The following BNC2 variants were observed in gnomAD, a reference collection of about 807,000 sequenced individuals.
BNC2 encodes the protein zinc finger protein basonuclin-2.
A neutral mutation model predicts 76.3 loss-of-function variants in BNC2; 20 were observed. The ratio of observed to expected loss-of-function variants is 0.26; its 90% CI spans 0.18 to 0.38. The LOEUF (loss-of-function observed/expected upper bound fraction) is 0.38. Ranked by LOEUF, BNC2 falls within the 10% of genes least tolerant of loss-of-function variation. The pLI, the probability that BNC2 is intolerant of heterozygous loss-of-function variation, is 1.00. For missense variants in BNC2, 1,382 were observed against 1,399.8 expected, an observed-to-expected ratio of 0.99 and a Z score of 0.20; for synonymous variants, 582 against 514.8, an observed-to-expected ratio of 1.13 and a Z score of -1.77.
intron 5 of BNC2, among the ~76,000 whole-genome samples, chr9:16,479,928 A>G (rs766468284): frequency 1.3e-5 from 2 of 152,198 alleles, no homozygotes; most frequent in Non-Finnish European, 2.9e-5. Flanking sequence ...AATCTTTAAA[A>G]TTATTTGCAA....
At chr9:16,475,046 C>A (rs1475489774) in intron 5 of BNC2, among the ~76,000 whole-genome samples, 2 of 152,294 alleles carry the variant, frequency 1.3e-5, no homozygotes, top group East Asian at 1.9e-4. Context: ...AAGGCTTTTC[C>A]ACACTCTAGG....
chr9:16,615,752 A>G (rs189823008), intron 3 of BNC2, among the ~76,000 whole-genome samples: 22 of 152,328 alleles, frequency 1.4e-4, no homozygotes, highest in African/African-American at 5.3e-4. Context: ...GTCTTTTGTT[A>G]CAGAGTTAGC....
At chr9:16,759,705 A>T (rs1204424947) in intron 1 of BNC2, among the ~76,000 whole-genome samples, 1 of 147,850 alleles carries the variant, frequency 6.8e-6, no homozygotes, top group Non-Finnish European at 1.5e-5. Flanking sequence ...AGAATACCTC[A>T]ATTTTTGGAG....
At chr9:16,654,840 G>C (rs1015844777) in intron 3 of BNC2, among the ~76,000 whole-genome samples, 1 of 152,062 alleles carries the variant, frequency 6.6e-6, no homozygotes, top group African/African-American at 2.4e-5. Context: ...AGTCACATCA[G>C]ACACCTCTTA....
At chr9:16,641,777 T>C (rs1821498480) in intron 3 of BNC2, among the ~76,000 whole-genome samples, 1 of 152,202 alleles carries the variant, frequency 6.6e-6, no homozygotes, top group Non-Finnish European at 1.5e-5. Flanking sequence ...GTTAAATATG[T>C]ATCAAATATG....
At chr9:16,692,063 G>T (rs1823189687) in intron 3 of BNC2, among the ~76,000 whole-genome samples, 1 of 152,008 alleles carries the variant, frequency 6.6e-6, no homozygotes, top group Non-Finnish European at 1.5e-5. Flanking sequence ...TGCCCACCTT[G>T]GCCTCCCAAA....
At chr9:16,810,231 G>C (rs1818011942) in intron 1 of BNC2, among the ~76,000 whole-genome samples, 1 of 152,168 alleles carries the variant, frequency 6.6e-6, no homozygotes, top group Non-Finnish European at 1.5e-5. Context: ...CAATCCATAG[G>C]ACAGGCTTAG....
chr9:16,755,219 G>C (rs1220738245), intron 1 of BNC2, among the ~76,000 whole-genome samples: 4 of 152,158 alleles, frequency 2.6e-5, no homozygotes, highest in African/African-American at 9.7e-5. Flanking sequence ...AGCATGAGAA[G>C]ACACATGGCC....
chr9:16,480,626 C>G (rs574462059), intron 5 of BNC2, among the ~76,000 whole-genome samples: 3 of 152,198 alleles, frequency 2.0e-5, no homozygotes, highest in Non-Finnish European at 4.4e-5. Flanking sequence ...CCTGCTGGAC[C>G]GGGCAATGAG....
intron 3 of BNC2, among the ~76,000 whole-genome samples, chr9:16,643,785 T>C (rs1821553304): frequency 6.6e-6 from 1 of 152,174 alleles, no homozygotes; most frequent in South Asian, 2.1e-4. Flanking sequence ...CATGGCTCTT[T>C]TTCTGCCCCA....
In BNC2 at chr9:16,411,803, T is replaced by C. The variant is rs1288161564; in HGVS notation, c.*7186A>G. On this transcript the variant is annotated 3_prime_UTR_variant, in exon 7 of 7. Coordinates refer to ENST00000380672, the MANE Select transcript of BNC2 (RefSeq NM_017637.6). ...AAGATGATACCGATACCTGCACGTG[T>C]CTTACCTGGCTGACTAATATCTTAC... The C allele has an allele frequency of 2.6e-5, 4 of 152,396 alleles. No homozygotes were observed. Among genetic ancestry groups the C allele is most frequent in the Admixed American group, 2.0e-4 (3 of 15,286 alleles). 9.4% of individuals were successfully genotyped at this position (152,396 alleles called of 1,614,324 possible). A position where few individuals can be genotyped will look rare whatever the true frequency, so the allele number is the denominator to read the frequency against.
At chr9:16,634,851 A>C (rs1377041309) in intron 3 of BNC2, among the ~76,000 whole-genome samples, 1 of 151,554 alleles carries the variant, frequency 6.6e-6, no homozygotes, top group Non-Finnish European at 1.5e-5. Context: ...AGCAGTGTAC[A>C]CTGAGGGGAG....
At chr9:16,458,017 G>C (rs984344903) in intron 5 of BNC2, among the ~76,000 whole-genome samples, 9 of 152,154 alleles carry the variant, frequency 5.9e-5, no homozygotes, top group African/African-American at 2.2e-4. Context: ...GGGTAGGTGG[G>C]AGAAAGAGGT....
intron 3 of BNC2, among the ~76,000 whole-genome samples, chr9:16,619,449 T>C (rs1314028326): frequency 6.6e-6 from 1 of 152,098 alleles, no homozygotes; most frequent in African/African-American, 2.4e-5. Flanking sequence ...GAAAAGAAAC[T>C]TTCCCCAAAT....
At chr9:16,604,018 T>G (rs1820313086) in intron 3 of BNC2, among the ~76,000 whole-genome samples, 1 of 152,166 alleles carries the variant, frequency 6.6e-6, no homozygotes, top group South Asian at 2.1e-4. Flanking sequence ...TTACATGAGT[T>G]TGTATACTAA....
At chr9:16,497,440 T>G (rs889197093) in intron 5 of BNC2, among the ~76,000 whole-genome samples, 1 of 152,234 alleles carries the variant, frequency 6.6e-6, no homozygotes, top group Non-Finnish European at 1.5e-5. Context: ...GTCTGAATAT[T>G]ACATATTCTC....
At chr9:16,656,207 A>G (rs1276734299) in intron 3 of BNC2, among the ~76,000 whole-genome samples, 2 of 152,194 alleles carry the variant, frequency 1.3e-5, no homozygotes, top group African/African-American at 4.8e-5. Context: ...GTAGGTGCTC[A>G]GGGAACACAG....
At chr9:16,506,513 C>CTTT (rs568955982) in intron 5 of BNC2, among the ~76,000 whole-genome samples, 984 of 43,292 alleles carry the variant, frequency 0.023, 192 homozygotes, top group African/African-American at 0.042. Flanking sequence ...TCTCTCTCCT[C>CTTT]TTTTTTTTTT....
intron 3 of BNC2, among the ~76,000 whole-genome samples, chr9:16,710,425 G>GTAA (rs1367173305): frequency 6.6e-6 from 1 of 152,182 alleles, no homozygotes; most frequent in Non-Finnish European, 1.5e-5. Context: ...CCAAAACAGT[G>GTAA]TAATTATTTA....
Sources: allele counts gnomAD v4.1 joint callset (sites outside exome capture counted in the v4.1 genomes callset), GRCh38; gene constraint gnomAD v4.1.1; transcripts MANE v1.5; gene names NCBI Gene and HGNC (gene_info 2026-07-23, HGNC 2026-07-21).